The following PDCD6IP variants were observed in gnomAD, a reference collection of about 807,000 sequenced individuals.
PDCD6IP encodes the protein programmed cell death 6-interacting protein.
Under a neutral mutation model 103.7 loss-of-function variants are expected in PDCD6IP, and 43 were observed. The observed-to-expected ratio is 0.41, with a 90% confidence interval of 0.32 to 0.53. The LOEUF is 0.53. PDCD6IP is among the 20% of genes least tolerant of loss of function. The probability of loss-of-function intolerance (pLI) is 0.16; values close to 1 mark genes in which losing one functional copy is unlikely to be tolerated. For synonymous variants in PDCD6IP, 354 were observed against 378.7 expected (o/e 0.93, Z 0.76); for missense variants, 871 against 1,036.7 (o/e 0.84, Z 2.20).
chr3:33,808,269 G>A (rs1696640074), intron 1 of PDCD6IP, among the ~76,000 whole-genome samples: 1 of 152,152 alleles, frequency 6.6e-6, no homozygotes, highest in African/African-American at 2.4e-5. Flanking sequence ...TTTAAAAAGG[G>A]GTTACATTGA....
At chr3:33,811,610 A>C (rs1696721023) in intron 1 of PDCD6IP, among the ~76,000 whole-genome samples, 1 of 152,192 alleles carries the variant, frequency 6.6e-6, no homozygotes, top group East Asian at 1.9e-4. Context: ...AAACTTTTGG[A>C]TTTCTAGCTG....
intron 16 of PDCD6IP, 46 bp from the exon 17 acceptor site, chr3:33,865,197 G>T: frequency 1.5e-6 from 2 of 1,331,932 alleles, no homozygotes; most frequent in South Asian, 3.2e-5. Context: ...AGCAATTTGA[G>T]AGAAATATGA....
At chr3:33,806,357 G>A (rs1696597975) in intron 1 of PDCD6IP, among the ~76,000 whole-genome samples, 1 of 152,058 alleles carries the variant, frequency 6.6e-6, no homozygotes, top group South Asian at 2.1e-4. Flanking sequence ...CTTTAGGAAA[G>A]GTTCAGAGAA....
intron 1 of PDCD6IP, among the ~76,000 whole-genome samples, chr3:33,803,576 G>T (rs1390493702): frequency 1.3e-5 from 2 of 151,874 alleles, no homozygotes; most frequent in African/African-American, 4.8e-5. Context: ...TCTGTTTCTT[G>T]TCTCTCAACT....
At chr3:33,801,809 G>A (rs1318345433) in intron 1 of PDCD6IP, among the ~76,000 whole-genome samples, 1 of 152,122 alleles carries the variant, frequency 6.6e-6, no homozygotes, top group South Asian at 2.1e-4. Context: ...CCATTTACCA[G>A]CATTGTGTAA....
chr3:33,863,203 A>T (rs913001446), intron 15 of PDCD6IP, among the ~76,000 whole-genome samples: 1 of 152,196 alleles, frequency 6.6e-6, no homozygotes, highest in Non-Finnish European at 1.5e-5. Flanking sequence ...TGATATTTTG[A>T]TACATGAATA....
At chr3:33,804,997 T>C (rs1696559933) in intron 1 of PDCD6IP, among the ~76,000 whole-genome samples, 1 of 152,210 alleles carries the variant, frequency 6.6e-6, no homozygotes. Context: ...TGAATTAGCA[T>C]TGCAGTATTA....
At chr3:33,807,703 A>G (rs1696628739) in intron 1 of PDCD6IP, among the ~76,000 whole-genome samples, 2 of 152,182 alleles carry the variant, frequency 1.3e-5, no homozygotes, top group Non-Finnish European at 2.9e-5. Flanking sequence ...TGTCTCCAGG[A>G]TGGCACCTGG....
chr3:33,838,444 T>G (rs1697399238), intron 9 of PDCD6IP, 117 bp downstream of exon 9: 2 of 914,564 alleles, frequency 2.2e-6, no homozygotes, highest in Admixed American at 4.8e-5. Flanking sequence ...ATAGAAAATG[T>G]AGACACACAC....
At chr3:33,851,730 G>A (rs1405028654) in intron 12 of PDCD6IP, among the ~76,000 whole-genome samples, 2 of 152,042 alleles carry the variant, frequency 1.3e-5, no homozygotes, top group African/African-American at 4.8e-5. Context: ...GAAGTGCTGG[G>A]ATTGCAGGCA....
intron 15 of PDCD6IP, among the ~76,000 whole-genome samples, chr3:33,859,876 C>T (rs1020060600): frequency 7.2e-5 from 11 of 152,108 alleles, no homozygotes; most frequent in Admixed American, 5.2e-4. Flanking sequence ...TATTTATGAG[C>T]TTATTCATTT....
chr3:33,848,444 AC>A (rs1403335935), intron 12 of PDCD6IP, among the ~76,000 whole-genome samples: 1 of 143,480 alleles, frequency 7.0e-6, no homozygotes, highest in East Asian at 2.3e-4. Context: ...TTGCTCTGTC[AC>A]CCAGGCTGGA....
intron 15 of PDCD6IP, among the ~76,000 whole-genome samples, chr3:33,856,741 G>A (rs1457830775): frequency 6.6e-6 from 1 of 152,156 alleles, no homozygotes; most frequent in Non-Finnish European, 1.5e-5. Context: ...AGTCAAGCCA[G>A]TTTATAAAAA....
intron 3 of PDCD6IP, among the ~76,000 whole-genome samples, chr3:33,816,530 A>G (rs1045372564): frequency 1.3e-5 from 2 of 148,152 alleles, no homozygotes; most frequent in African/African-American, 5.1e-5. Flanking sequence ...AAAAAAAAAG[A>G]AAATATCTCC....
In PDCD6IP at chr3:33,852,704, A is replaced by C. The variant is rs1343559049; in HGVS notation, c.1858A>C (p.Lys620Gln). ...TACAACTAAAGTCCAAGAATCTCTAAAGAAACAGGAGGGACTTCTTAAAAA... is the reference window on the plus strand; with the variant it reads ...TACAACTAAAGTCCAAGAATCTCTACAGAAACAGGAGGGACTTCTTAAAAA... ...GLTTKVQESL[K>Q]KQEGLLKNIQ... The change falls in exon 13 of 18, where the codon AAG (lysine) becomes CAG (glutamine). Residue 620 changes from lysine to glutamine, a missense_variant. Physicochemically the swap from Lys to Gln is moderately conservative, Grantham distance 53. This residue lies in a region of PDCD6IP where 266 missense variants were observed against 390.5 expected (regional missense o/e 0.68). Coordinates refer to ENST00000307296, the MANE Select transcript of PDCD6IP (RefSeq NM_013374.6). 8 of 1,585,354 alleles carry C rather than the reference A, an allele frequency of 5.0e-6. No homozygotes were observed. In the East Asian group the frequency reaches 1.8e-4, roughly 35 times the overall value.
At chr3:33,814,541 T>C (rs1357834640) in intron 3 of PDCD6IP, among the ~76,000 whole-genome samples, 1 of 150,074 alleles carries the variant, frequency 6.7e-6, no homozygotes, top group East Asian at 1.9e-4. Context: ...TTGTAATGTA[T>C]ATGTGATATA....
chr3:33,824,548 C>T lies in PDCD6IP; in HGVS notation c.463-639C>T, dbSNP rs542158745. ...GCCGGGATTAACAGGCGTGAGCCAC[C>T]GCACCCGGCCAACTCATGACACCTT... On this transcript the variant is annotated intron_variant, in intron 4 of 17. Coordinates refer to ENST00000307296, the MANE Select transcript of PDCD6IP (RefSeq NM_013374.6). Among the ~76,000 whole-genome samples, 111 of 151,924 alleles carry T rather than the reference C, an allele frequency of 7.3e-4. 1 individual carries two copies. Among genetic ancestry groups the T allele is most frequent in the Admixed American group, 9.2e-4 (14 of 15,262 alleles).
In PDCD6IP at chr3:33,826,395, C is replaced by T. The variant is rs2125556987; in HGVS notation, c.617-85C>T. On this transcript the variant is annotated intron_variant, in intron 5 of 17. Transcript: ENST00000307296. ...AGAAAGATGTTTTCAGATGCGTGTACAAACTTGTGACCTCAGTGTTTATAC... is the reference window on the plus strand; with the variant it reads ...AGAAAGATGTTTTCAGATGCGTGTATAAACTTGTGACCTCAGTGTTTATAC... The T allele has an allele frequency of 1.2e-5, 11 of 891,426 alleles. 1 individual carries two copies. The South Asian group carries it at 2.0e-4, about 16-fold the overall frequency. The allele number at this position is 891,426 out of a possible 1,614,324, so 55.2% of individuals were successfully genotyped here.
rs377356706 is a variant in PDCD6IP, at chr3:33,832,509, C to T, written c.835-3535C>T. Among the ~76,000 whole-genome samples the T allele has an allele frequency of 4.6e-5, 7 of 152,280 alleles. No individual in the cohort carries two copies. The East Asian group carries it at 1.3e-3, about 29-fold the overall frequency. On this transcript the variant is annotated intron_variant, in intron 7 of 17. Coordinates refer to ENST00000307296, the MANE Select transcript of PDCD6IP (RefSeq NM_013374.6). ...GTTACATATTTGGATTGTTGATCCA[C>T]TTGGAATTTATCCTGATGTGTGGTG...
Sources: gnomAD v4.1 joint callset for allele counts (sites outside exome capture counted in the v4.1 genomes callset) on GRCh38, gnomAD v4.1.1 for gene constraint, gnomAD v4.1.1 regional missense constraint, MANE v1.5 for transcripts, NCBI Gene and HGNC (gene_info 2026-07-23, HGNC 2026-07-21) for gene names.